Variants in DAB1 observed in about 807,000 individuals in gnomAD.
DAB1 encodes the protein DAB adaptor protein 1.
DAB1 carries 15 observed loss-of-function variants against 64.6 expected under a neutral mutation model. The ratio of observed to expected loss-of-function variants is 0.23; its 90% CI spans 0.16 to 0.36. The LOEUF (loss-of-function observed/expected upper bound fraction) is 0.36, where lower values mean the gene tolerates loss of function less well. Among genes scored for constraint, DAB1 ranks in the 10% least tolerant of loss-of-function variants. The pLI is 1.00. For missense variants in DAB1, 596 were observed against 706.7 expected, an observed-to-expected ratio of 0.84 and a Z score of 1.78; for synonymous variants, 235 against 251.9, an observed-to-expected ratio of 0.93 and a Z score of 0.64.
At chr1:57,337,217 C>T (rs923971989) in intron 1 of DAB1, among the ~76,000 whole-genome samples, 1 of 152,198 alleles carries the variant, frequency 6.6e-6, no homozygotes, top group African/African-American at 2.4e-5. Flanking sequence ...TGCTCCTGCT[C>T]GAACTTTCCT....
rs201101743 is a variant in DAB1, at chr1:58,294,443, T to TA, written n.309+48908dup. ...CTAAGAAATATTCATAGACAATTAA[T>TA]AAAAAAAAAGATTTTTAAAGGGAAT... On this transcript the variant is annotated intron_variant and non_coding_transcript_variant, in intron 4 of 20. Transcript: ENST00000485760. 3.0e-3 allele frequency among the ~76,000 whole-genome samples: 456 copies of TA among 151,260 alleles called. 2 individuals are homozygous for TA. Among genetic ancestry groups the TA allele is most frequent in the African/African-American group, 8.9e-3 (366 of 41,276 alleles).
At chr1:57,933,285 C>A (rs886206150) in intron 5 of DAB1, among the ~76,000 whole-genome samples, 2 of 152,354 alleles carry the variant, frequency 1.3e-5, no homozygotes, top group South Asian at 2.1e-4. Context: ...TGTTTCCAAT[C>A]TGAGGGGCAG....
chr1:58,519,604 A>C (rs1646228828), intron 2 of DAB1, among the ~76,000 whole-genome samples: 1 of 152,218 alleles, frequency 6.6e-6, no homozygotes, highest in African/African-American at 2.4e-5. Context: ...ATTCAGAGCC[A>C]ACAGAACTGT....
At chr1:57,171,317 G>A (rs1356224698) in intron 2 of DAB1, among the ~76,000 whole-genome samples, 1 of 152,164 alleles carries the variant, frequency 6.6e-6, no homozygotes, top group Non-Finnish European at 1.5e-5. Flanking sequence ...CAATTAATAT[G>A]AATAAGTGAG....
At chr1:58,118,505 C>CATAT (rs1190755426) in intron 5 of DAB1, among the ~76,000 whole-genome samples, 1 of 43,988 alleles carries the variant, frequency 2.3e-5, no homozygotes, top group African/African-American at 8.4e-5. Context: ...TATATATATA[C>CATAT]ACACACACAC....
In DAB1 at chr1:58,093,102, G is replaced by C. The variant is rs137911726; in HGVS notation, n.387+57409C>G. Among the ~76,000 whole-genome samples the C allele has an allele frequency of 7.9e-4, 121 of 152,218 alleles. 2 individuals are homozygous for C. Among genetic ancestry groups the C allele is most frequent in the Admixed American group, 1.9e-3 (29 of 15,290 alleles). On this transcript the variant is annotated intron_variant and non_coding_transcript_variant, in intron 5 of 20. Coordinates refer to the DAB1 transcript ENST00000485760. Reference sequence around the variant, plus strand: ...TATGCTCTCCCATTTTGCTGGGAGCGCCAGACTACCCTTTTTCGACTGATG... The same window carrying C: ...TATGCTCTCCCATTTTGCTGGGAGCCCCAGACTACCCTTTTTCGACTGATG...
intron 3 of DAB1, among the ~76,000 whole-genome samples, chr1:58,370,149 A>T (rs1644251208): frequency 6.6e-6 from 1 of 152,240 alleles, no homozygotes; most frequent in Non-Finnish European, 1.5e-5. Flanking sequence ...AGGAGCACTC[A>T]AACAGCCATC....
At chr1:57,305,962 C>G (rs929302080) in intron 1 of DAB1, among the ~76,000 whole-genome samples, 2 of 143,868 alleles carry the variant, frequency 1.4e-5, no homozygotes, top group African/African-American at 5.4e-5. Flanking sequence ...GAGCAAGACT[C>G]CGTCTCAAAA....
chr1:58,449,546 G>A (rs538654333), intron 3 of DAB1, among the ~76,000 whole-genome samples: 13 of 152,290 alleles, frequency 8.5e-5, no homozygotes, highest in African/African-American at 2.2e-4. Context: ...AGGAGTCCTC[G>A]TGCTCCACTC....
intron 6 of DAB1, among the ~76,000 whole-genome samples, chr1:57,803,308 G>A (rs1651214241): frequency 6.6e-6 from 1 of 152,218 alleles, no homozygotes; most frequent in Non-Finnish European, 1.5e-5. Context: ...GTAACTACAG[G>A]AAGCTACCCT....
At chr1:57,024,793 C>T (rs570203340) in intron 10 of DAB1, among the ~76,000 whole-genome samples, 4 of 152,300 alleles carry the variant, frequency 2.6e-5, no homozygotes, top group Admixed American at 2.0e-4. Flanking sequence ...ATAGCCCTGC[C>T]GTTCTGCAAC....
intron 3 of DAB1, among the ~76,000 whole-genome samples, chr1:58,402,040 T>C (rs1269554543): frequency 6.6e-6 from 1 of 152,180 alleles, no homozygotes; most frequent in Non-Finnish European, 1.5e-5. Flanking sequence ...GAGTCTTGAG[T>C]ATACTAAGAA....
chr1:58,534,851 G>A (rs773178217), intron 1 of DAB1, among the ~76,000 whole-genome samples: 3 of 152,134 alleles, frequency 2.0e-5, no homozygotes, highest in Admixed American at 6.5e-5. Context: ...TGGGAGGATC[G>A]CTTGAGTCTA....
intron 3 of DAB1, among the ~76,000 whole-genome samples, chr1:58,396,190 A>C (rs1644520620): frequency 6.6e-6 from 1 of 151,984 alleles, no homozygotes; most frequent in Non-Finnish European, 1.5e-5. Context: ...CTCACACTTC[A>C]AGTCCGCTGC....
intron 6 of DAB1, among the ~76,000 whole-genome samples, chr1:57,753,634 T>C (rs550688578): frequency 5.3e-5 from 8 of 152,352 alleles, no homozygotes; most frequent in African/African-American, 1.9e-4. Flanking sequence ...CATCTCTTTC[T>C]ATGATGTTTA....
intron 4 of DAB1, among the ~76,000 whole-genome samples, chr1:57,072,897 T>C (rs1237105243): frequency 6.6e-6 from 1 of 152,212 alleles, no homozygotes; most frequent in Non-Finnish European, 1.5e-5. Context: ...CTGATGGTGA[T>C]AGAGTGTGTT....
At chr1:57,530,890 A>G (rs1370049255) in intron 7 of DAB1, among the ~76,000 whole-genome samples, 1 of 152,196 alleles carries the variant, frequency 6.6e-6, no homozygotes, top group Non-Finnish European at 1.5e-5. Context: ...AAAGACAGGG[A>G]CCTGGGGCCC....
At chr1:57,145,796 A>C (rs911522338) in intron 2 of DAB1, among the ~76,000 whole-genome samples, 10 of 152,336 alleles carry the variant, frequency 6.6e-5, no homozygotes, top group African/African-American at 2.4e-4. Context: ...CTAAGAGTTC[A>C]TGTCCGAAAT....
intron 2 of DAB1, among the ~76,000 whole-genome samples, chr1:57,206,039 C>A (rs1016563203): frequency 6.6e-6 from 1 of 152,124 alleles, no homozygotes; most frequent in Non-Finnish European, 1.5e-5. Flanking sequence ...CATTTTTCAA[C>A]AAGTATACAT....
Sources: gnomAD v4.1 joint callset for allele counts (sites outside exome capture counted in the v4.1 genomes callset) on GRCh38, gnomAD v4.1.1 for gene constraint, MANE v1.5 for transcripts, NCBI Gene and HGNC (gene_info 2026-07-23, HGNC 2026-07-21) for gene names.